Variants in VSIG2 observed in about 807,000 individuals in gnomAD.
The protein encoded by VSIG2 is V-set and immunoglobulin domain-containing protein 2.
A neutral mutation model predicts 29.4 loss-of-function variants in VSIG2; 30 were observed. That is an observed-to-expected ratio of 1.02 (90% confidence interval 0.76 to 1.38). The LOEUF is 1.38. Among genes scored for constraint, VSIG2 ranks in the 40% most tolerant of loss-of-function variants. The pLI is 0.00. For missense variants in VSIG2, 421 were observed against 400.8 expected, an observed-to-expected ratio of 1.05 and a Z score of -0.43; for synonymous variants, 178 against 174.2, an observed-to-expected ratio of 1.02 and a Z score of -0.17.
intron 6 of VSIG2, chr11:124,748,114 A>G (rs372051758): frequency 1.5e-5 from 7 of 456,714 alleles, no homozygotes; most frequent in East Asian, 3.7e-5. Context: ...CCTTCGGAAC[A>G]GAAAAGTAAA....
chr11:124,751,899 T>C (rs1944091075), intron 1 of VSIG2, among the ~76,000 whole-genome samples, 178 bp downstream of exon 1: 1 of 152,186 alleles, frequency 6.6e-6, no homozygotes, highest in South Asian at 2.1e-4. Flanking sequence ...GGGGTCTCTC[T>C]CCTACGCCCT....
chr11:124,751,361 C>T, intron 2 of VSIG2, 62 bp downstream of exon 2: 1 of 1,598,032 alleles, frequency 6.3e-7, no homozygotes. Context: ...GACCCCATGC[C>T]CTCATCCTGG....
In VSIG2 at chr11:124,750,838, C is replaced by T. The variant is rs775422067; in HGVS notation, c.303G>A (p.Val101=). 1 of 1,614,112 alleles carries T rather than the reference C, an allele frequency of 6.2e-7. No homozygotes were observed. The highest frequency in any genetic ancestry group is 1.1e-5 in the South Asian group (1 of 91,082). The change falls in exon 3 of 7, where the codon GTG becomes GTA. Residue 101 remains valine, a synonymous_variant. Transcript: ENST00000326621. ...CAGTCAGTTTCAGTGTGGCCACCCCCACTGTGGGGGGGTTCTGAAGCAGGC... is the reference window on the plus strand; with the variant it reads ...CAGTCAGTTTCAGTGTGGCCACCCCTACTGTGGGGGGGTTCTGAAGCAGGC... ...RVSLLQNPPT[V]GVATLKLTDV...
At position 124,749,747 on chromosome 11, in the gene VSIG2, C is replaced by T. The variant is rs1944057348; in HGVS notation, c.547G>A (p.Gly183Arg). The change falls in exon 4 of 7, where the codon GGA becomes AGA. Residue 183 changes from glycine to arginine, a missense_variant. Coordinates refer to ENST00000326621, the MANE Select transcript of VSIG2 (RefSeq NM_014312.5). ...PKPVYNWVRLGTFPTPSPGSM... is the reference protein window; with the variant it reads ...PKPVYNWVRLRTFPTPSPGSM... ...CCAGGAGAAGGTGTAGGAAAAGTTC[C>T]AAGACGCACCCAGTTGTACACTGGC... 1 of 1,613,692 alleles carries T rather than the reference C, an allele frequency of 6.2e-7. No homozygotes were observed. Among genetic ancestry groups the T allele is most frequent in the African/African-American group, 1.3e-5 (1 of 74,872 alleles).
At chr11:124,749,310 C>T (rs942862623) in intron 4 of VSIG2, among the ~76,000 whole-genome samples, 1 of 152,084 alleles carries the variant, frequency 6.6e-6, no homozygotes, top group African/African-American at 2.4e-5. Flanking sequence ...TAAGGCTCCT[C>T]CAAAGAAACT....
chr11:124,749,364 C>T (rs780986721), intron 4 of VSIG2, among the ~76,000 whole-genome samples: 2 of 152,108 alleles, frequency 1.3e-5, no homozygotes, highest in Non-Finnish European at 2.9e-5. Flanking sequence ...GCCTCAGTTT[C>T]CTCTCTAGGA....
At position 124,749,874 on chromosome 11, in the gene VSIG2, A is replaced by AGAAAAAAAAAAC; in HGVS notation, c.428-9_428-8insGTTTTTTTTTTC. 1 of 1,289,468 alleles carries AGAAAAAAAAAAC rather than the reference A, an allele frequency of 7.8e-7. No individual in the cohort carries two copies. Among genetic ancestry groups the AGAAAAAAAAAAC allele is most frequent in the Non-Finnish European group, 1.0e-6 (1 of 996,970 alleles). The allele number at this position is 1,289,468 out of a possible 1,614,324, so 79.9% of individuals were successfully genotyped here. On this transcript the variant is annotated splice_polypyrimidine_tract_variant and intron_variant, in intron 3 of 6. Transcript: ENST00000326621. ...AGGGATTACTGGGGGGAACTGCAAAAAAAAAAAAAAAAAAAAAAAAACAGA... is the reference window on the plus strand; with the variant it reads ...AGGGATTACTGGGGGGAACTGCAAAAGAAAAAAAAAACAAAAAAAAAAAAAAAAAAAAACAGA...
At position 124,749,851 on chromosome 11, in the gene VSIG2, G is replaced by A. The variant is rs76654665; in HGVS notation, c.443C>T (p.Pro148Leu). Residue 148 changes from proline (P) to leucine (L), a missense_variant, in exon 4 of 7, where the codon CCC (proline) becomes CTC (leucine). Pro to Leu is a moderately conservative substitution (Grantham distance 98). Transcript: ENST00000326621. ...NLTVLVPPSN[P>L]LCSQSGQTSV... ...GGTTTGTCCACTCTGACTGCATAAG[G>A]GATTACTGGGGGGAACTGCAAAAAA... 4.5e-3 allele frequency: 6,382 copies of A among 1,429,964 alleles called. 138 individuals carry two copies. The African/African-American group carries it at 0.052, about 12-fold the overall frequency. 88.6% of individuals were successfully genotyped at this position (1,429,964 alleles called of 1,614,324 possible). A position where few individuals can be genotyped will look rare whatever the true frequency, so the allele number is the denominator to read the frequency against.
chr11:124,749,881 A>AC lies in VSIG2; in HGVS notation c.428-16_428-15insG, dbSNP rs775361824. On this transcript the variant is annotated splice_polypyrimidine_tract_variant and intron_variant, in intron 3 of 6. Coordinates refer to ENST00000326621, the MANE Select transcript of VSIG2 (RefSeq NM_014312.5). The stretch of plus-strand genomic sequence containing the variant: ...ACTGGGGGGAACTGCAAAAAAAAAA[A>AC]AAAAAAAAAAAAAACAGAAAGTTCC... 2.3e-5 allele frequency: 35 copies of AC among 1,512,842 alleles called. No individual in the cohort carries two copies. Among genetic ancestry groups the AC allele is most frequent in the African/African-American group, 5.9e-5 (4 of 67,858 alleles). The allele number at this position is 1,512,842 out of a possible 1,614,324, so 93.7% of individuals were successfully genotyped here. A position where few individuals can be genotyped will look rare whatever the true frequency, so the allele number is the denominator to read the frequency against.
In VSIG2 at chr11:124,752,076, C is replaced by A. The variant is rs765474353; in HGVS notation, c.61+1G>T. The A allele has an allele frequency of 1.9e-6, 3 of 1,606,130 alleles. No individual in the cohort carries two copies. Among genetic ancestry groups the A allele is most frequent in the Non-Finnish European group, 2.5e-6 (3 of 1,178,580 alleles). On this transcript the variant is annotated splice_donor_variant, in intron 1 of 6. Coordinates refer to ENST00000326621, the MANE Select transcript of VSIG2 (RefSeq NM_014312.5). LOFTEE classifies it high-confidence loss of function. ...CGTGGTCCCGCCCGGCCCCTCCTCA[C>A]CACTCAGGCACAGGAAGCCTAGCAG...
chr11:124,752,138 G>A lies in VSIG2; in HGVS notation c.-1C>T, dbSNP rs752151498. The A allele has an allele frequency of 1.2e-5, 19 of 1,584,278 alleles. No individual in the cohort carries two copies. Among genetic ancestry groups the A allele is most frequent in the Non-Finnish European group, 1.5e-5 (17 of 1,169,808 alleles). On this transcript the variant is annotated 5_prime_UTR_variant, in exon 1 of 7. Coordinates refer to ENST00000326621, the MANE Select transcript of VSIG2 (RefSeq NM_014312.5). ...GAAAGGGCCCCGGGAGCTCGGCCAT[G>A]GCCGCGTCCGGCCGTCCTGTCCTGC...
Position 124,748,651 on chromosome 11 carries a change from A to G in VSIG2, c.699T>C (p.Ser233=). ...TCCACCCAGCATCCCTACCGGTCACAGAGAGGGTCAGCTCACAGGATGCAC... is the reference window on the plus strand; with the variant it reads ...TCCACCCAGCATCCCTACCGGTCACGGAGAGGGTCAGCTCACAGGATGCAC... ...MGSASCELTL[S]VTEPSQGRVA... is the part of the protein sequence containing the mutation. Residue 233 remains serine (S), a synonymous_variant, in exon 5 of 7, where the codon TCT becomes TCC. Transcript: ENST00000326621. The G allele has an allele frequency of 6.2e-7, 1 of 1,613,180 alleles. No homozygotes were observed. The highest frequency in any genetic ancestry group is 8.5e-7 in the Non-Finnish European group (1 of 1,179,396).
chr11:124,751,615 A>G lies in VSIG2; in HGVS notation c.62-35T>C, dbSNP rs754670043. ...GGGACCAGAGGGAGGTGGGAACCCAAATTCCAGTGATCTGGAGGGTCGGGC... is the reference window on the plus strand; with the variant it reads ...GGGACCAGAGGGAGGTGGGAACCCAGATTCCAGTGATCTGGAGGGTCGGGC... On this transcript the variant is annotated intron_variant, in intron 1 of 6. Transcript: ENST00000326621. 4 of 1,545,346 alleles carry G rather than the reference A, an allele frequency of 2.6e-6. No homozygotes were observed. In the Admixed American group the frequency reaches 7.5e-5, roughly 29 times the overall value.
chr11:124,748,830 C>T, intron 4 of VSIG2, 67 bp from the exon 5 acceptor site: 1 of 1,610,024 alleles, frequency 6.2e-7, no homozygotes, highest in African/African-American at 1.3e-5. Context: ...GAGGACAGCA[C>T]ATTTCATGTC....
chr11:124,748,805 A>G, intron 4 of VSIG2, 42 bp from the exon 5 acceptor site: 2 of 1,613,994 alleles, frequency 1.2e-6, no homozygotes, highest in Non-Finnish European at 1.7e-6. Flanking sequence ...CATTCAACTC[A>G]GTGAGCAGCT....
chr11:124,749,677 G>A (rs778625858), intron 4 of VSIG2, 31 bp downstream of exon 4: 2 of 1,604,994 alleles, frequency 1.2e-6, no homozygotes, highest in East Asian at 2.2e-5. Flanking sequence ...CAGGTCTCCA[G>A]TACCCTCTTC....
At chr11:124,751,177 A>G (rs901087282) in intron 2 of VSIG2, among the ~76,000 whole-genome samples, 1 of 152,016 alleles carries the variant, frequency 6.6e-6, no homozygotes, top group South Asian at 2.1e-4. Flanking sequence ...TTATCTTGGT[A>G]TCAGTCACAA....
chr11:124,748,376 G>GC lies in VSIG2; in HGVS notation c.851+13dup. 1 of 1,590,756 alleles carries GC rather than the reference G, an allele frequency of 6.3e-7. No individual in the cohort carries two copies. Among genetic ancestry groups the GC allele is most frequent in the Middle Eastern group, 1.7e-4 (1 of 5,750 alleles). ...TCCTCCCTCCTTGCGCCACCCCCCAGCCCTCCTGCTCACCGAAGGTCACTA... is the reference window on the plus strand; with the variant it reads ...TCCTCCCTCCTTGCGCCACCCCCCAGCCCCTCCTGCTCACCGAAGGTCACTA... On this transcript the variant is annotated intron_variant, in intron 6 of 6. Coordinates refer to ENST00000326621, the MANE Select transcript of VSIG2 (RefSeq NM_014312.5).
chr11:124,751,125 C>A (rs1460871217), intron 2 of VSIG2, among the ~76,000 whole-genome samples: 1 of 151,704 alleles, frequency 6.6e-6, no homozygotes, highest in Non-Finnish European at 1.5e-5. Context: ...CCATTGGTCT[C>A]TCTCTCTCTC....
Sources: allele counts gnomAD v4.1 joint callset (sites outside exome capture counted in the v4.1 genomes callset), GRCh38; gene constraint gnomAD v4.1.1; transcripts MANE v1.5; gene names NCBI Gene and HGNC (gene_info 2026-07-23, HGNC 2026-07-21).